Variants in SLC71A2 observed in about 807,000 individuals in gnomAD.
SLC71A2 encodes solute carrier family 71 member 2.
At chr9:94,409,873 A>G in the SLC71A2 span, among the ~76,000 whole-genome samples, 1 of 142,624 alleles carries the variant, frequency 7.0e-6, no homozygotes, top group Admixed American at 7.6e-5. Flanking sequence ...CAGTCTTCTC[A>G]TGTGCACTTG....
chr9:94,378,341 AAG>A, the SLC71A2 span, among the ~76,000 whole-genome samples: 4 of 151,974 alleles, frequency 2.6e-5, no homozygotes, highest in African/African-American at 9.7e-5. Context: ...GGGAGGGAGC[AAG>A]AGAGAGAGGG....
the SLC71A2 span, among the ~76,000 whole-genome samples, chr9:94,450,507 T>TTTTTTTTTTTTTTTA: frequency 2.2e-5 from 3 of 137,306 alleles, no homozygotes; most frequent in South Asian, 2.2e-4. Flanking sequence ...TTTTTTTTTT[T>TTTTTTTTTTTTTTTA]GAGATGGAGT....
the SLC71A2 span, among the ~76,000 whole-genome samples, chr9:94,439,022 G>GTT: frequency 8.0e-3 from 923 of 115,668 alleles, 42 homozygotes; most frequent in African/African-American, 0.029. Context: ...ATTTGAGTTC[G>GTT]TTTTTTTTTT....
chr9:94,385,934 G>A, the SLC71A2 span, among the ~76,000 whole-genome samples: 2 of 152,100 alleles, frequency 1.3e-5, no homozygotes, highest in African/African-American at 4.8e-5. Context: ...TGTTGCCCAG[G>A]CTGGAGTGCA....
At chr9:94,393,947 A>G in the SLC71A2 span, among the ~76,000 whole-genome samples, 14 of 91,554 alleles carry the variant, frequency 1.5e-4, no homozygotes, top group Non-Finnish European at 2.6e-4. Flanking sequence ...GGTATAGTCA[A>G]GGTTAACAAA....
chr9:94,390,754 C>T, the SLC71A2 span, among the ~76,000 whole-genome samples: 4 of 152,134 alleles, frequency 2.6e-5, no homozygotes, highest in Non-Finnish European at 4.4e-5. Flanking sequence ...GTGTCACAGA[C>T]CATGAAACAA....
chr9:94,398,014 G>C, the SLC71A2 span, among the ~76,000 whole-genome samples: 1 of 151,878 alleles, frequency 6.6e-6, no homozygotes, highest in Non-Finnish European at 1.5e-5. Flanking sequence ...CCACCTACTT[G>C]GGGGCAGAGT....
At chr9:94,406,881 G>A in the SLC71A2 span, among the ~76,000 whole-genome samples, 18 of 152,146 alleles carry the variant, frequency 1.2e-4, no homozygotes, top group South Asian at 3.5e-3. Flanking sequence ...TTCCAGTTTG[G>A]ATGCCATTTC....
chr9:94,453,484 T>C, the SLC71A2 span, among the ~76,000 whole-genome samples: 1 of 152,188 alleles, frequency 6.6e-6, no homozygotes, highest in Non-Finnish European at 1.5e-5. Flanking sequence ...TTTTTAGACT[T>C]TCTCAACTAG....
chr9:94,434,197 T>C, the SLC71A2 span, among the ~76,000 whole-genome samples: 3 of 152,208 alleles, frequency 2.0e-5, no homozygotes, highest in East Asian at 1.9e-4. Context: ...ATCAATACTT[T>C]AAAAATTTTG....
At chr9:94,395,355 A>G in the SLC71A2 span, among the ~76,000 whole-genome samples, 1 of 152,132 alleles carries the variant, frequency 6.6e-6, no homozygotes. Context: ...GCTCATAAAA[A>G]TAAAACTTGA....
the SLC71A2 span, among the ~76,000 whole-genome samples, chr9:94,418,002 T>G: frequency 0.51 from 77,792 of 151,090 alleles, 20,269 homozygotes; most frequent in Admixed American, 0.61. Context: ...AATTACAGGC[T>G]TGTGCCACCA....
At chr9:94,454,939 T>A in the SLC71A2 span, among the ~76,000 whole-genome samples, 2 of 149,538 alleles carry the variant, frequency 1.3e-5, no homozygotes, top group Non-Finnish European at 1.5e-5. Context: ...TCGTGAGTTT[T>A]GTTTTGTTAA....
the SLC71A2 span, among the ~76,000 whole-genome samples, chr9:94,418,931 T>C: frequency 6.6e-6 from 1 of 152,066 alleles, no homozygotes; most frequent in South Asian, 2.1e-4. Context: ...TTTAGTTCTT[T>C]GAACATATTT....
the SLC71A2 span, among the ~76,000 whole-genome samples, chr9:94,413,588 C>A: frequency 6.8e-6 from 1 of 146,730 alleles, no homozygotes. Context: ...TACCTGTAAT[C>A]CCAGCACTTT....
At chr9:94,459,340 A>G in the SLC71A2 span, 1 of 1,614,150 alleles carries the variant, frequency 6.2e-7, no homozygotes, top group Non-Finnish European at 8.5e-7. Flanking sequence ...ACATTGAGCC[A>G]CTACTGCAAG....
At chr9:94,459,668 C>G in the SLC71A2 span, 1 of 404,908 alleles carries the variant, frequency 2.5e-6, no homozygotes, top group Non-Finnish European at 4.5e-6. Flanking sequence ...ATGTGCAACT[C>G]CCAAGGTGAA....
the SLC71A2 span, chr9:94,444,891 A>G: frequency 7.1e-7 from 1 of 1,415,806 alleles, no homozygotes; most frequent in Non-Finnish European, 9.9e-7. Context: ...CAGCAGGCAG[A>G]CCTGGGTAAG....
the SLC71A2 span, among the ~76,000 whole-genome samples, chr9:94,399,428 G>A: frequency 1.1e-4 from 16 of 152,218 alleles, no homozygotes; most frequent in East Asian, 3.1e-3. Flanking sequence ...GGAAACAGGT[G>A]TATATAATAC....
Sources: allele counts gnomAD v4.1 joint callset (sites outside exome capture counted in the v4.1 genomes callset), GRCh38; gene constraint gnomAD v4.1.1; transcripts MANE v1.5; gene names NCBI Gene and HGNC (gene_info 2026-07-23, HGNC 2026-07-21).